CENPK: variants seen among roughly 807,000 people sequenced by gnomAD.
CENPK encodes SoxLZ/Sox6-binding protein Solt.
In CENPK, 46 loss-of-function variants were observed where a neutral mutation model predicts 40.9. The ratio of observed to expected loss-of-function variants is 1.13; its 90% CI spans 0.89 to 1.44. The LOEUF is 1.44. Among genes scored for constraint, CENPK ranks in the 40% most tolerant of loss-of-function variants. The pLI is 0.00. For synonymous variants in CENPK, 107 were observed against 104.4 expected, an observed-to-expected ratio of 1.02 and a Z score of -0.15; for missense variants, 288 against 303.5, an observed-to-expected ratio of 0.95 and a Z score of 0.38.
At chr5:65,521,173 A>T (rs1046154877) in intron 10 of CENPK, among the ~76,000 whole-genome samples, 39 of 152,034 alleles carry the variant, frequency 2.6e-4, no homozygotes, top group Non-Finnish European at 4.1e-4. Flanking sequence ...CATTAAAAAA[A>T]TTTTTTCACC....
chr5:65,533,771 A>ACG (rs1746334177), intron 6 of CENPK, among the ~76,000 whole-genome samples: 3 of 152,166 alleles, frequency 2.0e-5, no homozygotes, highest in African/African-American at 4.8e-5. Context: ...GGCCGGGTGC[A>ACG]GTGCCTCAAG....
chr5:65,540,344 C>T (rs1747745010), intron 6 of CENPK, among the ~76,000 whole-genome samples: 1 of 152,172 alleles, frequency 6.6e-6, no homozygotes, highest in Admixed American at 6.5e-5. Flanking sequence ...CAATTCAGCT[C>T]TCTGCCTCTT....
At chr5:65,547,689 G>A (rs1362127236) in intron 5 of CENPK, among the ~76,000 whole-genome samples, 1 of 151,772 alleles carries the variant, frequency 6.6e-6, no homozygotes, top group East Asian at 1.9e-4. Flanking sequence ...TTTTGAAATG[G>A]AGTCTCGCCC....
At chr5:65,563,073 T>C in intron 1 of CENPK, 25 bp downstream of exon 1, 2 of 446,308 alleles carry the variant, frequency 4.5e-6, no homozygotes, top group South Asian at 5.6e-5. Context: ...AACCGTTATA[T>C]CAACCTCCCC....
At chr5:65,551,095 C>G in intron 5 of CENPK, 1 of 321,016 alleles carries the variant, frequency 3.1e-6, no homozygotes, top group South Asian at 2.4e-5. Flanking sequence ...ATACAAAAAC[C>G]AACCACTAAC....
intron 6 of CENPK, among the ~76,000 whole-genome samples, chr5:65,540,286 C>T (rs1747733330): frequency 2.0e-5 from 3 of 152,208 alleles, no homozygotes; most frequent in South Asian, 4.1e-4. Flanking sequence ...AAAGATTCAA[C>T]TTCATTCCTA....
chr5:65,537,648 A>C (rs760996059), intron 6 of CENPK, among the ~76,000 whole-genome samples: 1 of 152,230 alleles, frequency 6.6e-6, no homozygotes, highest in Non-Finnish European at 1.5e-5. Context: ...GATGCTCTGC[A>C]ATAGCAGAAG....
At chr5:65,533,536 C>T (rs1173586024) in intron 6 of CENPK, among the ~76,000 whole-genome samples, 1 of 151,798 alleles carries the variant, frequency 6.6e-6, no homozygotes, top group African/African-American at 2.4e-5. Flanking sequence ...CCATTCTTAC[C>T]GTTTCTATTC....
chr5:65,538,036 T>C (rs1415304728), intron 6 of CENPK, among the ~76,000 whole-genome samples: 3 of 152,236 alleles, frequency 2.0e-5, no homozygotes, highest in Non-Finnish European at 4.4e-5. Context: ...CCACTAGCAA[T>C]GTATTGCTAT....
At chr5:65,529,534 C>T (rs1745359072) in intron 6 of CENPK, 1 of 188,586 alleles carries the variant, frequency 5.3e-6, no homozygotes, top group Non-Finnish European at 1.1e-5. Context: ...GTCACCCAGG[C>T]TGGAGGGCAG....
intron 5 of CENPK, among the ~76,000 whole-genome samples, chr5:65,543,289 C>G (rs765543893): frequency 6.6e-6 from 1 of 152,100 alleles, no homozygotes; most frequent in Non-Finnish European, 1.5e-5. Context: ...CACATATAGC[C>G]AACTATATAT....
chr5:65,553,723 T>G (rs1750514433), intron 3 of CENPK, among the ~76,000 whole-genome samples: 1 of 152,234 alleles, frequency 6.6e-6, no homozygotes, highest in Non-Finnish European at 1.5e-5. Flanking sequence ...TACTTATCTT[T>G]GAATCCACTC....
At chr5:65,534,644 T>C (rs1390206081) in intron 6 of CENPK, among the ~76,000 whole-genome samples, 1 of 152,198 alleles carries the variant, frequency 6.6e-6, no homozygotes, top group African/African-American at 2.4e-5. Context: ...AGATAGTTTC[T>C]TCAACAAATA....
the CENPK span, among the ~76,000 whole-genome samples, chr5:65,500,003 A>C: frequency 5.2e-5 from 4 of 77,264 alleles, no homozygotes; most frequent in East Asian, 2.6e-4. Context: ...TGAACTCATC[A>C]TTTTTTATGG....
At chr5:65,512,619 A>G in the CENPK span, among the ~76,000 whole-genome samples, 3 of 152,236 alleles carry the variant, frequency 2.0e-5, no homozygotes, top group Non-Finnish European at 4.4e-5. Context: ...AATGCTATGT[A>G]TAGTTACTAG....
At chr5:65,521,665 A>G in intron 9 of CENPK, 137 bp from the exon 10 acceptor site, 1 of 632,374 alleles carries the variant, frequency 1.6e-6, no homozygotes, top group Non-Finnish European at 2.8e-6. Context: ...CAATGGCGCA[A>G]TCTCGGTTCA....
At chr5:65,527,277 G>C (rs1744876294) in intron 9 of CENPK, among the ~76,000 whole-genome samples, 3 of 151,496 alleles carry the variant, frequency 2.0e-5, no homozygotes. Flanking sequence ...AAAAGTGAGA[G>C]GTCAATTGGT....
At chr5:65,561,654 T>TATC (rs1751990404) in intron 1 of CENPK, 90 bp from the exon 2 acceptor site, 2 of 300,694 alleles carry the variant, frequency 6.7e-6, no homozygotes, top group Non-Finnish European at 1.4e-5. Flanking sequence ...CCACATTTTG[T>TATC]ATCCTTAAAC....
chr5:65,504,430 C>A, the CENPK span, among the ~76,000 whole-genome samples: 1 of 126,826 alleles, frequency 7.9e-6, no homozygotes, highest in Non-Finnish European at 1.6e-5. Flanking sequence ...GCCCTCCAGC[C>A]TGGGAGACAA....
Sources: allele counts gnomAD v4.1 joint callset (sites outside exome capture counted in the v4.1 genomes callset), GRCh38; gene constraint gnomAD v4.1.1; transcripts MANE v1.5; gene names NCBI Gene and HGNC (gene_info 2026-07-23, HGNC 2026-07-21).